Variants in CSMD1 observed in about 807,000 individuals in gnomAD.
CSMD1 encodes the protein CUB and Sushi multiple domains 1, also known as CUB and sushi domain-containing protein 1.
In CSMD1, 213 loss-of-function variants were observed where a neutral mutation model predicts 417.5. The observed-to-expected ratio is 0.51, with a 90% CI of 0.46 to 0.57. CSMD1 has a LOEUF of 0.57. Among genes scored for constraint, CSMD1 ranks in the 20% least tolerant of loss-of-function variants. CSMD1 has a pLI of 0.00. For missense variants in CSMD1, 6,923 were observed against 4,529.7 expected (o/e 1.53, Z -15.17); for synonymous variants, 2,862 against 1,736.8 (o/e 1.65, Z -16.11).
chr8:4,581,496 A>G (rs772945570), intron 2 of CSMD1, among the ~76,000 whole-genome samples: 1 of 152,210 alleles, frequency 6.6e-6, no homozygotes, highest in Non-Finnish European at 1.5e-5. Flanking sequence ...TCTTATGTAG[A>G]AAAAGGGTTT....
Position 4,140,993 on chromosome 8 carries a change from G to A in CSMD1, c.416-108894C>T, listed in dbSNP as rs1188003460. The stretch of plus-strand genomic sequence containing the variant: ...TGGGAAGAAAACATAAAAGATTTAG[G>A]CAGACAGAAAGACAGGTAATATTCC... On this transcript the variant is annotated intron_variant, in intron 3 of 69. Coordinates refer to ENST00000635120, the MANE Select transcript of CSMD1 (RefSeq NM_033225.6). Among the ~76,000 whole-genome samples the A allele has an allele frequency of 1.3e-5, 2 of 151,170 alleles. 1 individual carries two copies. Among genetic ancestry groups the A allele is most frequent in the African/African-American group, 4.9e-5 (2 of 40,486 alleles).
intron 3 of CSMD1, among the ~76,000 whole-genome samples, chr8:4,329,354 T>G (rs982331002): frequency 1.3e-5 from 2 of 152,154 alleles, no homozygotes; most frequent in East Asian, 3.9e-4. Context: ...AGTGATGCAT[T>G]CTCAGCTCAC....
chr8:3,344,308 G>C (rs1285344265), intron 22 of CSMD1, among the ~76,000 whole-genome samples: 1 of 152,134 alleles, frequency 6.6e-6, no homozygotes, highest in African/African-American at 2.4e-5. Flanking sequence ...AACAGAAACA[G>C]CACTGACTTT....
intron 12 of CSMD1, among the ~76,000 whole-genome samples, chr8:3,419,562 T>C (rs1203558915): frequency 6.6e-6 from 1 of 152,194 alleles, no homozygotes; most frequent in African/African-American, 2.4e-5. Context: ...CTCAGCTAAC[T>C]AGGAAATTCT....
At chr8:3,601,584 C>A (rs1018192075) in intron 8 of CSMD1, among the ~76,000 whole-genome samples, 1 of 152,118 alleles carries the variant, frequency 6.6e-6, no homozygotes, top group African/African-American at 2.4e-5. Context: ...CTAGTCACCA[C>A]AATCTACTGT....
At chr8:3,791,167 T>C (rs989281869) in intron 5 of CSMD1, among the ~76,000 whole-genome samples, 2 of 152,186 alleles carry the variant, frequency 1.3e-5, no homozygotes, top group African/African-American at 4.8e-5. Context: ...ATTACTTATA[T>C]TTTAGGAGCA....
At chr8:3,281,890 C>G (rs1051144335) in intron 26 of CSMD1, among the ~76,000 whole-genome samples, 1 of 152,084 alleles carries the variant, frequency 6.6e-6, no homozygotes, top group African/African-American at 2.4e-5. Flanking sequence ...AGTACCATCC[C>G]CCAGTGCTGT....
chr8:3,317,928 A>C (rs536490111), intron 23 of CSMD1, among the ~76,000 whole-genome samples: 1 of 152,236 alleles, frequency 6.6e-6, no homozygotes, highest in East Asian at 1.9e-4. Flanking sequence ...CTCCCACCTT[A>C]GCCTATTGAG....
intron 3 of CSMD1, among the ~76,000 whole-genome samples, chr8:4,321,692 T>C (rs1422224188): frequency 6.6e-6 from 1 of 152,204 alleles, no homozygotes; most frequent in Non-Finnish European, 1.5e-5. Context: ...AAGATAGTGA[T>C]AGGAATCAAT....
chr8:4,339,981 A>T (rs1585264579), intron 3 of CSMD1, among the ~76,000 whole-genome samples: 1 of 152,088 alleles, frequency 6.6e-6, no homozygotes, highest in East Asian at 1.9e-4. Flanking sequence ...CGGTGATAGC[A>T]ACACTGCAGT....
chr8:4,750,608 T>G (rs539143545), intron 1 of CSMD1, among the ~76,000 whole-genome samples: 2 of 152,248 alleles, frequency 1.3e-5, no homozygotes, highest in Admixed American at 6.5e-5. Context: ...GATCCAGCAA[T>G]GAGACTAAGA....
intron 5 of CSMD1, among the ~76,000 whole-genome samples, chr8:3,965,544 G>A (rs1224821277): frequency 6.6e-6 from 1 of 152,120 alleles, no homozygotes; most frequent in African/African-American, 2.4e-5. Flanking sequence ...GAACAACTAG[G>A]TCAGGAAAGA....
At chr8:3,112,709 T>C (rs1213524684) in intron 42 of CSMD1, among the ~76,000 whole-genome samples, 1 of 152,152 alleles carries the variant, frequency 6.6e-6, no homozygotes, top group Non-Finnish European at 1.5e-5. Flanking sequence ...TATTGAATAG[T>C]GATGAAGAGA....
chr8:4,485,000 AAAAAAAAAAAAAAAAAAAAAG>A (rs1801299001), intron 2 of CSMD1, among the ~76,000 whole-genome samples: 4 of 140,270 alleles, frequency 2.9e-5, no homozygotes, highest in Admixed American at 1.4e-4. Context: ...AAAAAAAAAA[AAAAAAAAAAAAAAAAAAAAAG>A]AAAGAGTCAC....
chr8:4,484,996 AAAAAAAAAAAAAAAAAAAAAAAAAG>A (rs1324804731), intron 2 of CSMD1, among the ~76,000 whole-genome samples: 8 of 64,842 alleles, frequency 1.2e-4, no homozygotes, highest in Non-Finnish European at 2.7e-4. Context: ...AAAAAAAAAA[AAAAAAAAAAAAAAAAAAAAAAAAAG>A]AAAGAGTCAC....
intron 5 of CSMD1, among the ~76,000 whole-genome samples, chr8:3,984,736 T>C (rs1814183280): frequency 7.8e-6 from 1 of 128,524 alleles, no homozygotes; most frequent in African/African-American, 2.9e-5. Flanking sequence ...TATATATATA[T>C]ATATATATAT....
At chr8:3,413,326 A>T (rs916621555) in intron 12 of CSMD1, among the ~76,000 whole-genome samples, 10 of 152,226 alleles carry the variant, frequency 6.6e-5, no homozygotes, top group African/African-American at 2.4e-4. Context: ...TCAGAAATTA[A>T]ATGAGGGTGA....
intron 3 of CSMD1, among the ~76,000 whole-genome samples, chr8:4,381,527 G>A (rs544704049): frequency 2.6e-5 from 4 of 152,102 alleles, no homozygotes; most frequent in Non-Finnish European, 5.9e-5. Flanking sequence ...ATTATATTGA[G>A]GTTGGTAGGG....
intron 50 of CSMD1, among the ~76,000 whole-genome samples, chr8:3,041,718 G>A (rs1811111587): frequency 6.6e-6 from 1 of 152,202 alleles, no homozygotes; most frequent in Admixed American, 6.5e-5. Flanking sequence ...AGATGAGGAT[G>A]CCAATCCACT....
Sources: gnomAD v4.1 joint callset for allele counts (sites outside exome capture counted in the v4.1 genomes callset) on GRCh38, gnomAD v4.1.1 for gene constraint, MANE v1.5 for transcripts, NCBI Gene and HGNC (gene_info 2026-07-23, HGNC 2026-07-21) for gene names.